ARRDC4: variants seen among roughly 807,000 people sequenced by gnomAD.
ARRDC4 encodes arrestin domain-containing protein 4.
A neutral mutation model predicts 44.6 loss-of-function variants in ARRDC4; 40 were observed. The observed-to-expected ratio is 0.90, with a 90% CI of 0.70 to 1.17. ARRDC4 has a LOEUF of 1.17. ARRDC4 is among the 50% of genes most tolerant of loss of function. ARRDC4 has a pLI of 0.00. For synonymous variants in ARRDC4, 211 were observed against 221.2 expected (o/e 0.95, Z 0.41); for missense variants, 550 against 559.1 (o/e 0.98, Z 0.16).
In ARRDC4 at chr15:97,968,148, G is replaced by T. The variant is rs1471434876; in HGVS notation, c.625+32G>T. The T allele has an allele frequency of 1.5e-6, 2 of 1,365,048 alleles. No homozygotes were observed. Among genetic ancestry groups the T allele is most frequent in the Non-Finnish European group, 2.0e-6 (2 of 996,918 alleles). 84.6% of individuals were successfully genotyped at this position (1,365,048 alleles called of 1,614,324 possible). ...AAAATGCTTGAAAGTCCAAATGAAA[G>T]ATTTCATTCATTTTCTTAGCTAATT... On this transcript the variant is annotated intron_variant, in intron 4 of 7. Coordinates refer to ENST00000268042, the MANE Select transcript of ARRDC4 (RefSeq NM_183376.3). This position sits in a 1 kb window ranked among gnomAD's most constrained non-coding sequence, Gnocchi z 5.4.
chr15:97,971,000 C>T lies in ARRDC4; in HGVS notation c.1201-131C>T. 1 of 1,070,752 alleles carries T rather than the reference C, an allele frequency of 9.3e-7. No individual in the cohort carries two copies. Among genetic ancestry groups the T allele is most frequent in the Non-Finnish European group, 1.4e-6 (1 of 717,202 alleles). The allele number at this position is 1,070,752 out of a possible 1,614,324, so 66.3% of individuals were successfully genotyped here. On this transcript the variant is annotated intron_variant, in intron 7 of 7. Transcript: ENST00000268042. This position sits in a 1 kb window ranked among gnomAD's most constrained non-coding sequence, Gnocchi z 4.2. ...TTATTTGGCCATGGAATATAGAGAACTTAAGCACCTTCTGGGACTTACACA... is the reference window on the plus strand; with the variant it reads ...TTATTTGGCCATGGAATATAGAGAATTTAAGCACCTTCTGGGACTTACACA...
rs1223776436 is a variant in ARRDC4, at chr15:97,970,523, T to C, written c.1046-66T>C. 12 of 1,498,536 alleles carry C rather than the reference T, an allele frequency of 8.0e-6. No individual in the cohort carries two copies. The highest frequency in any genetic ancestry group is 9.1e-6 in the Non-Finnish European group (10 of 1,100,234). 92.8% of individuals were successfully genotyped at this position (1,498,536 alleles called of 1,614,324 possible). A position where few individuals can be genotyped will look rare whatever the true frequency, so the allele number is the denominator to read the frequency against. ...CAAGTTTAGCTGTTTCTTGTTTTTG[T>C]AGCAGTTAAGAATCGAGATTAATTT... is the stretch of plus-strand genomic sequence containing the variant. On this transcript the variant is annotated intron_variant, in intron 6 of 7. Transcript: ENST00000268042. The surrounding 1 kb of genome is among the most constrained non-coding windows in gnomAD (Gnocchi z 4.2).
In ARRDC4 at chr15:97,960,794, C is replaced by T. The variant is rs1217731901; in HGVS notation, c.-68C>T. 2.4e-6 allele frequency: 3 copies of T among 1,244,776 alleles called. No individual in the cohort carries two copies. Among genetic ancestry groups the T allele is most frequent in the Admixed American group, 8.5e-5 (2 of 23,510 alleles). 77.1% of individuals were successfully genotyped at this position (1,244,776 alleles called of 1,614,324 possible). ...CCGCGAGCGCCTGTGACAGCGGCGC[C>T]GCTGTGCTCGCGACCCCGGCTCCGG... On this transcript the variant is annotated 5_prime_UTR_variant, in exon 1 of 8. Coordinates refer to ENST00000268042, the MANE Select transcript of ARRDC4 (RefSeq NM_183376.3).
At position 97,961,159 on chromosome 15, in the gene ARRDC4, C is replaced by T. The variant is rs1441209813; in HGVS notation, c.298C>T (p.Pro100Ser). 11 of 1,435,468 alleles carry T rather than the reference C, an allele frequency of 7.7e-6. No homozygotes were observed. The highest frequency in any genetic ancestry group is 1.0e-5 in the Non-Finnish European group (11 of 1,104,806). The allele number at this position is 1,435,468 out of a possible 1,614,324, so 88.9% of individuals were successfully genotyped here. The change falls in exon 1 of 8, where the codon CCC becomes TCC. Residue 100 changes from proline to serine, a missense_variant. Pro to Ser is a moderately conservative substitution (Grantham distance 74). Coordinates refer to ENST00000268042, the MANE Select transcript of ARRDC4 (RefSeq NM_183376.3). The stretch of plus-strand genomic sequence containing the variant: ...GAACGTGCGCCTCAGCCTGCGGGAG[C>T]CCCCGGCCGGTAAGCGCAGGCGAGC... Reference protein sequence around the residue: ...YLNVRLSLREPPAGEGIILLQ... With the variant: ...YLNVRLSLRESPAGEGIILLQ...
At position 97,965,663 on chromosome 15, in the gene ARRDC4, C is replaced by A. The variant is rs1899405598; in HGVS notation, c.371C>A (p.Ser124Tyr). 6.2e-7 allele frequency: 1 copy of A among 1,612,678 alleles called. No individual in the cohort carries two copies. Among genetic ancestry groups the A allele is most frequent in the African/African-American group, 1.3e-5 (1 of 74,910 alleles). The change falls in exon 2 of 8, where the codon TCT becomes TAT. Residue 124 changes from serine to tyrosine, a missense_variant. Physicochemically the swap from Ser to Tyr is moderately radical, Grantham distance 144 (BLOSUM62 -2). Transcript: ENST00000268042. The surrounding 1 kb of genome is among the most constrained non-coding windows in gnomAD (Gnocchi z 5.1). ...TTTCCATTTCGCTTTCAACTTCCAT[C>A]TGAGTAAGTGAAACACTACAATTTT... ...HEFPFRFQLP[S>Y]EPLVTSFTGK...
chr15:97,966,542 T>C lies in ARRDC4; in HGVS notation c.522+500T>C, dbSNP rs1031889567. Among the ~76,000 whole-genome samples the C allele has an allele frequency of 1.8e-4, 28 of 152,148 alleles. No homozygotes were observed. Among genetic ancestry groups the C allele is most frequent in the Non-Finnish European group, 1.5e-5 (1 of 68,020 alleles). ...CATTTTCTAACATTAAGTAAGTGCA[T>C]GCAGCTGCCGCCGAGATCCTTTCAC... On this transcript the variant is annotated intron_variant, in intron 3 of 7. Transcript: ENST00000268042. The surrounding 1 kb of genome is among the most constrained non-coding windows in gnomAD (Gnocchi z 4.7).
At position 97,967,734 on chromosome 15, in the gene ARRDC4, ATAT is replaced by A. The variant is rs1899442073; in HGVS notation, c.523-275_523-273del. On this transcript the variant is annotated intron_variant, in intron 3 of 7. Transcript: ENST00000268042. The surrounding 1 kb of genome is among the most constrained non-coding windows in gnomAD (Gnocchi z 5.0). ...TTTGATTTTTTTTTAAAAAAATGGT[ATAT>A]TATTTCCTGGAAACATAATGACTTC... 6.6e-6 allele frequency among the ~76,000 whole-genome samples: 1 copy of A among 152,082 alleles called. No individual in the cohort carries two copies. Among genetic ancestry groups the A allele is most frequent in the Admixed American group, 6.6e-5 (1 of 15,262 alleles).
rs1487706952 is a variant in ARRDC4, at chr15:97,973,160, T to G, written c.*1973T>G. The G allele has an allele frequency of 6.6e-6, 1 of 152,308 alleles. No homozygotes were observed. The highest frequency in any genetic ancestry group is 6.5e-5 in the Admixed American group (1 of 15,284). The allele number at this position is 152,308 out of a possible 1,614,324, so 9.4% of individuals were successfully genotyped here. On this transcript the variant is annotated 3_prime_UTR_variant, in exon 8 of 8. Transcript: ENST00000268042. Reference sequence around the variant, plus strand: ...TATAGTTCATGCCCTGCCAAGGCATTGTTCGACTCCATGATACTAAAACAT... The same window carrying G: ...TATAGTTCATGCCCTGCCAAGGCATGGTTCGACTCCATGATACTAAAACAT...
Position 97,972,163 on chromosome 15 carries a change from C to T in ARRDC4, c.*976C>T, listed in dbSNP as rs971935914. ...TTGCTGCTGTTTACAGCCACAGTCT[C>T]ATCTATCACTAAATATGAAACTGGG... is the stretch of plus-strand genomic sequence containing the variant. On this transcript the variant is annotated 3_prime_UTR_variant, in exon 8 of 8. Coordinates refer to ENST00000268042, the MANE Select transcript of ARRDC4 (RefSeq NM_183376.3). The surrounding 1 kb of genome is among the most constrained non-coding windows in gnomAD (Gnocchi z 5.3). 2 of 152,590 alleles carry T rather than the reference C, an allele frequency of 1.3e-5. No homozygotes were observed. Among genetic ancestry groups the T allele is most frequent in the Non-Finnish European group, 2.9e-5 (2 of 68,024 alleles). The allele number at this position is 152,590 out of a possible 1,614,324, so 9.5% of individuals were successfully genotyped here. A position where few individuals can be genotyped will look rare whatever the true frequency, so the allele number is the denominator to read the frequency against.
rs1313156448 is a variant in ARRDC4 at position 97,970,890 on chromosome 15, G to A, written c.1200+147G>A. On this transcript the variant is annotated intron_variant, in intron 7 of 7. Transcript: ENST00000268042. This position sits in a 1 kb window ranked among gnomAD's most constrained non-coding sequence, Gnocchi z 4.2. ...GTTTATACAGTGGTAATAGATTATC[G>A]CTGATTCATTTGCCAGATTTTTTTA... 7.5e-6 allele frequency: 8 copies of A among 1,072,222 alleles called. No individual in the cohort carries two copies. The highest frequency in any genetic ancestry group is 2.5e-5 in the East Asian group (1 of 39,400). 66.4% of individuals were successfully genotyped at this position (1,072,222 alleles called of 1,614,324 possible).
At position 97,963,192 on chromosome 15, in the gene ARRDC4, C is replaced by T. The variant is rs1899350967; in HGVS notation, c.307+2024C>T. 1.3e-5 allele frequency among the ~76,000 whole-genome samples: 2 copies of T among 152,112 alleles called. 1 individual carries two copies. Among genetic ancestry groups the T allele is most frequent in the South Asian group, 4.1e-4 (2 of 4,822 alleles). On this transcript the variant is annotated intron_variant, in intron 1 of 7. Transcript: ENST00000268042. ...TTAATTATGAGCTTTGGCTGTAAGG[C>T]CATTAGTGATTGAAACATCTTCCTG...
Position 97,973,478 on chromosome 15 carries a change from C to T in ARRDC4, c.*2291C>T, listed in dbSNP as rs147275348. The T allele has an allele frequency of 6.6e-6, 1 of 152,542 alleles. No homozygotes were observed. Among genetic ancestry groups the T allele is most frequent in the East Asian group, 1.9e-4 (1 of 5,178 alleles). 9.4% of individuals were successfully genotyped at this position (152,542 alleles called of 1,614,324 possible). A position where few individuals can be genotyped will look rare whatever the true frequency, so the allele number is the denominator to read the frequency against. On this transcript the variant is annotated 3_prime_UTR_variant, in exon 8 of 8. Transcript: ENST00000268042. ...AATTCTACATTGAAACAGAAAATAC[C>T]TGGGAATGAAGATTAAAAATGTAGC...
rs139392036 is a variant in ARRDC4, at chr15:97,962,170, T to C, written c.307+1002T>C. ...CATTATATCTATGTGCTATGTCTTA[T>C]ACAAAATATAATAGAATATGTGGTT... On this transcript the variant is annotated intron_variant, in intron 1 of 7. Transcript: ENST00000268042. Among the ~76,000 whole-genome samples, 6 of 152,348 alleles carry C rather than the reference T, an allele frequency of 3.9e-5. No homozygotes were observed. The East Asian group carries it at 7.7e-4, about 20-fold the overall frequency.
At chr15:97,962,920 T>A (rs1196511511) in intron 1 of ARRDC4, among the ~76,000 whole-genome samples, 1 of 152,250 alleles carries the variant, frequency 6.6e-6, no homozygotes, top group African/African-American at 2.4e-5. Context: ...GGGATCTGTT[T>A]TCACAAATGC....
In ARRDC4 at chr15:97,960,910, G is replaced by C; in HGVS notation, c.49G>C (p.Val17Leu). Residue 17 changes from valine to leucine, a missense_variant, in exon 1 of 8, where the codon GTG becomes CTG. Physicochemically the swap from Val to Leu is conservative, Grantham distance 32 (BLOSUM62 1). Coordinates refer to ENST00000268042, the MANE Select transcript of ARRDC4 (RefSeq NM_183376.3). Reference protein sequence around the residue: ...CAAAVGAEGRVKSLGLVFEDE... With the variant: ...CAAAVGAEGRLKSLGLVFEDE... ...GGCGGCCGTGGGTGCCGAGGGCCGC[G>C]TGAAGAGCCTGGGTCTGGTGTTCGA... is the stretch of plus-strand genomic sequence containing the variant. 2 of 1,434,838 alleles carry C rather than the reference G, an allele frequency of 1.4e-6. No individual in the cohort carries two copies. The highest frequency in any genetic ancestry group is 1.8e-6 in the Non-Finnish European group (2 of 1,087,878). 88.9% of individuals were successfully genotyped at this position (1,434,838 alleles called of 1,614,324 possible).
rs747061916 is a variant in ARRDC4, at chr15:97,967,986, G to A, written c.523-28G>A. The A allele has an allele frequency of 3.4e-6, 5 of 1,464,158 alleles. No homozygotes were observed. In the African/African-American group the frequency reaches 7.1e-5, roughly 21 times the overall value. The allele number at this position is 1,464,158 out of a possible 1,614,324, so 90.7% of individuals were successfully genotyped here. On this transcript the variant is annotated intron_variant, in intron 3 of 7. Transcript: ENST00000268042. The surrounding 1 kb of genome is among the most constrained non-coding windows in gnomAD (Gnocchi z 5.0). The stretch of plus-strand genomic sequence containing the variant: ...GAGTTCTCTAGAGTGGCTTAATTAA[G>A]GTTGTTTTATTGTTTGAAATTTTCA...
Position 97,970,171 on chromosome 15 carries a change from TA to T in ARRDC4, c.1045+127del. ...CTACTATAGGTATCTTTATTCCTAC[TA>T]CTAAAAAATCAGAAAGCATTAGTCC... On this transcript the variant is annotated intron_variant, in intron 6 of 7. Transcript: ENST00000268042. This position sits in a 1 kb window ranked among gnomAD's most constrained non-coding sequence, Gnocchi z 4.2. The T allele has an allele frequency of 9.4e-7, 1 of 1,066,068 alleles. No homozygotes were observed. Among genetic ancestry groups the T allele is most frequent in the Non-Finnish European group, 1.3e-6 (1 of 788,316 alleles). The allele number at this position is 1,066,068 out of a possible 1,614,324, so 66.0% of individuals were successfully genotyped here.
intron 1 of ARRDC4, 34 bp downstream of exon 1, chr15:97,961,202 C>T (rs1411411793): frequency 1.5e-6 from 2 of 1,371,160 alleles, no homozygotes; most frequent in Non-Finnish European, 1.9e-6. Flanking sequence ...GTTCCCCCGC[C>T]AGGCTGCGGG....
rs747639417 is a variant in ARRDC4, at chr15:97,968,212, C to G, written c.625+96C>G. ...AATAGTGTTTTTTGTAATTATATGA[C>G]GTGTATAGTATTTTAAAACATGAAT... On this transcript the variant is annotated intron_variant, in intron 4 of 7. Coordinates refer to ENST00000268042, the MANE Select transcript of ARRDC4 (RefSeq NM_183376.3). This position sits in a 1 kb window ranked among gnomAD's most constrained non-coding sequence, Gnocchi z 5.4. 3 of 640,026 alleles carry G rather than the reference C, an allele frequency of 4.7e-6. No homozygotes were observed. The East Asian group carries it at 9.7e-5, about 21-fold the overall frequency. The allele number at this position is 640,026 out of a possible 1,614,324, so 39.6% of individuals were successfully genotyped here. A position where few individuals can be genotyped will look rare whatever the true frequency, so the allele number is the denominator to read the frequency against.
Sources: allele counts gnomAD v4.1 joint callset (sites outside exome capture counted in the v4.1 genomes callset), GRCh38; gene constraint gnomAD v4.1.1; non-coding constraint Gnocchi (gnomAD v3.1); transcripts MANE v1.5; gene names NCBI Gene and HGNC (gene_info 2026-07-23, HGNC 2026-07-21).